The following BBS7 variants were observed in gnomAD, a reference collection of about 807,000 sequenced individuals.
BBS7 encodes the protein BBSome complex member BBS7.
A neutral mutation model predicts 90.3 loss-of-function variants in BBS7; 50 were observed. That is an observed-to-expected ratio of 0.55 (90% CI 0.44 to 0.70). BBS7 has a LOEUF of 0.70. Among genes scored for constraint, BBS7 ranks in the 30% least tolerant of loss-of-function variants. BBS7 has a pLI of 0.00. For synonymous variants in BBS7, 235 were observed against 287.4 expected, an observed-to-expected ratio of 0.82 and a Z score of 1.85; for missense variants, 729 against 838.9, an observed-to-expected ratio of 0.87 and a Z score of 1.62.
chr4:121,827,841 A>C lies in BBS7; in HGVS notation c.2014+305T>G, dbSNP rs1048433. 0.36 allele frequency: 367,877 copies of C among 1,008,814 alleles called. 70,910 individuals carry two copies. The highest frequency in any genetic ancestry group is 0.5 in the East Asian group (7,591 of 15,158). 62.5% of individuals were successfully genotyped at this position (1,008,814 alleles called of 1,614,324 possible). On this transcript the variant is annotated intron_variant, in intron 18 of 18. Transcript: ENST00000264499. ...TGTGTGAAATACAGTCTAAGCTCTA[A>C]AGGTTCATAGATTACATTCATTTTA...
intron 8 of BBS7, among the ~76,000 whole-genome samples, chr4:121,850,978 G>A (rs1726287393): frequency 6.6e-6 from 1 of 152,172 alleles, no homozygotes; most frequent in South Asian, 2.1e-4. Flanking sequence ...TTTAACAAGT[G>A]TCCAGTTGTT....
chr4:121,826,265 G>T (rs1253620707), intron 18 of BBS7, among the ~76,000 whole-genome samples: 1 of 152,158 alleles, frequency 6.6e-6, no homozygotes, highest in African/African-American at 2.4e-5. Context: ...TTTTTGAACT[G>T]CTATCAGTAT....
At chr4:121,835,474 T>G (rs528164330) in intron 13 of BBS7, among the ~76,000 whole-genome samples, 191 bp from the exon 14 acceptor site, 1 of 152,320 alleles carries the variant, frequency 6.6e-6, no homozygotes, top group South Asian at 2.1e-4. Context: ...CAGACTGTAG[T>G]ACATCTTGTA....
intron 5 of BBS7, among the ~76,000 whole-genome samples, chr4:121,857,596 CAACTTT>C (rs1726750996): frequency 6.6e-6 from 1 of 152,044 alleles, no homozygotes; most frequent in African/African-American, 2.4e-5. Flanking sequence ...GGAAAGACTT[CAACTTT>C]ATTTTCTACA....
At chr4:121,860,150 T>A (rs1252583078) in intron 4 of BBS7, among the ~76,000 whole-genome samples, 1 of 152,102 alleles carries the variant, frequency 6.6e-6, no homozygotes, top group Non-Finnish European at 1.5e-5. Flanking sequence ...GCTCTGCATA[T>A]GATTGAATAG....
rs760833157 is a variant in BBS7 at position 121,825,869 on chromosome 4, A to G, written c.2139T>C (p.Asp713=). The part of the protein sequence containing the change: ...YDQNALISFF[D]AA Reference sequence around the variant, plus strand: ...TTACCTTATTTGTATGTCATGCTGCATCGAAGAATGAAATCAATGCATTTT... The same window carrying G: ...TTACCTTATTTGTATGTCATGCTGCGTCGAAGAATGAAATCAATGCATTTT... The change falls in exon 19 of 19, where the codon GAT becomes GAC. Residue 713 remains aspartate, a synonymous_variant. Transcript: ENST00000264499. 6.2e-7 allele frequency: 1 copy of G among 1,613,170 alleles called. No homozygotes were observed. Among genetic ancestry groups the G allele is most frequent in the East Asian group, 2.2e-5 (1 of 44,710 alleles).
At chr4:121,856,508 A>G (rs1033218620) in intron 5 of BBS7, among the ~76,000 whole-genome samples, 10 of 152,050 alleles carry the variant, frequency 6.6e-5, no homozygotes, top group Admixed American at 5.2e-4. Context: ...TCAGGTCAGG[A>G]GTTCAAGACC....
intron 15 of BBS7, among the ~76,000 whole-genome samples, chr4:121,831,058 A>G (rs1725152697): frequency 6.6e-6 from 1 of 152,184 alleles, no homozygotes; most frequent in Admixed American, 6.5e-5. Context: ...TACAAAAATT[A>G]GCTGGGCGTG....
Position 121,835,141 on chromosome 4 carries a change from T to C in BBS7, c.1511+3A>G. 6.2e-7 allele frequency: 1 copy of C among 1,613,814 alleles called. No homozygotes were observed. Among genetic ancestry groups the C allele is most frequent in the Non-Finnish European group, 8.5e-7 (1 of 1,179,732 alleles). ...AAAGAATTTGCTCTTTCCTTTGTCC[T>C]ACCTGTCATGATCAATAAAGTGAGT... On this transcript the variant is annotated splice_donor_region_variant and intron_variant, in intron 14 of 18. Transcript: ENST00000264499.
intron 5 of BBS7, among the ~76,000 whole-genome samples, chr4:121,855,896 G>A (rs1228579750): frequency 4.1e-5 from 6 of 145,544 alleles, no homozygotes; most frequent in Admixed American, 6.7e-5. Flanking sequence ...GTACATACAT[G>A]TATGTGTATA....
At position 121,832,315 on chromosome 4, in the gene BBS7, C is replaced by T. The variant is rs561135757; in HGVS notation, c.1676+916G>A. Among the ~76,000 whole-genome samples, 4 of 152,194 alleles carry T rather than the reference C, an allele frequency of 2.6e-5. No homozygotes were observed. In the East Asian group the frequency reaches 7.7e-4, roughly 29 times the overall value. Reference sequence around the variant, plus strand: ...CTAACCTGGGTGACAGAGTGAGATCCTGTCTCAAAACAAACAAACAAAACA... The same window carrying T: ...CTAACCTGGGTGACAGAGTGAGATCTTGTCTCAAAACAAACAAACAAAACA... On this transcript the variant is annotated intron_variant, in intron 15 of 18. Transcript: ENST00000264499.
intron 8 of BBS7, among the ~76,000 whole-genome samples, chr4:121,850,704 G>A (rs1726272038): frequency 6.6e-6 from 1 of 152,142 alleles, no homozygotes; most frequent in African/African-American, 2.4e-5. Flanking sequence ...GAAAAACTCT[G>A]GTAGGTAGTT....
In BBS7 at chr4:121,863,118, A is replaced by G. The variant is rs1342155394; in HGVS notation, c.165+99T>C. On this transcript the variant is annotated intron_variant, in intron 3 of 18. Coordinates refer to ENST00000264499, the MANE Select transcript of BBS7 (RefSeq NM_176824.3). ...CTACTTACCTCAGAACCCATTTTCCATTACCTGTATTTTAGGAAATTTTTA... is the reference window on the plus strand; with the variant it reads ...CTACTTACCTCAGAACCCATTTTCCGTTACCTGTATTTTAGGAAATTTTTA... 7 of 1,146,994 alleles carry G rather than the reference A, an allele frequency of 6.1e-6. No individual in the cohort carries two copies. In the East Asian group the frequency reaches 1.4e-4, roughly 23 times the overall value. 71.1% of individuals were successfully genotyped at this position (1,146,994 alleles called of 1,614,324 possible).
At chr4:121,838,857 T>C (rs1480088880) in intron 13 of BBS7, among the ~76,000 whole-genome samples, 1 of 148,846 alleles carries the variant, frequency 6.7e-6, no homozygotes, top group Non-Finnish European at 1.5e-5. Flanking sequence ...ATCATGCCAC[T>C]GCACTCCAGC....
intron 4 of BBS7, 88 bp downstream of exon 4, chr4:121,861,416 T>C (rs1308728442): frequency 1.6e-5 from 19 of 1,218,220 alleles, no homozygotes; most frequent in Non-Finnish European, 2.1e-5. Context: ...CCAGAAAGCC[T>C]ATTAAGATAT....
chr4:121,827,882 T>C (rs971428410), intron 18 of BBS7: 2 of 1,150,932 alleles, frequency 1.7e-6, no homozygotes, highest in African/African-American at 3.2e-5. Flanking sequence ...GGTTTGTTCA[T>C]ATATATAGAT....
At chr4:121,861,794 ATAG>A in intron 3 of BBS7, 115 bp from the exon 4 acceptor site, 2 of 992,636 alleles carry the variant, frequency 2.0e-6, no homozygotes, top group Non-Finnish European at 3.0e-6. Flanking sequence ...GTTCCACTAT[ATAG>A]AAATAATTTT....
chr4:121,827,870 C>A, intron 18 of BBS7: 1 of 1,076,970 alleles, frequency 9.3e-7, no homozygotes, highest in Non-Finnish European at 1.1e-6. Context: ...CATTTTATAC[C>A]AGGTTTGTTC....
intron 1 of BBS7, among the ~76,000 whole-genome samples, chr4:121,869,498 A>G (rs1727468040): frequency 6.6e-6 from 1 of 152,196 alleles, no homozygotes; most frequent in Admixed American, 6.5e-5. Flanking sequence ...TAGGTATGCT[A>G]AATTCTTAGA....
Sources: gnomAD v4.1 joint callset for allele counts (sites outside exome capture counted in the v4.1 genomes callset) on GRCh38, gnomAD v4.1.1 for gene constraint, MANE v1.5 for transcripts, NCBI Gene and HGNC (gene_info 2026-07-23, HGNC 2026-07-21) for gene names.